The following KCNH1 variants were observed in gnomAD, a reference collection of about 807,000 sequenced individuals.
KCNH1 encodes the protein potassium voltage-gated channel subfamily H member 1.
A neutral mutation model predicts 69.2 loss-of-function variants in KCNH1; 27 were observed. The ratio of observed to expected loss-of-function variants is 0.39; its 90% CI spans 0.29 to 0.54. KCNH1 has a LOEUF of 0.54. Ranked by LOEUF, KCNH1 falls within the 20% of genes least tolerant of loss-of-function variation. The probability of loss-of-function intolerance (pLI) is 0.68; values close to 1 mark genes in which losing one functional copy is unlikely to be tolerated. For missense variants in KCNH1, 798 were observed against 1,261.6 expected (o/e 0.63, Z 5.57); for synonymous variants, 456 against 487.7 (o/e 0.93, Z 0.86).
At chr1:210,794,498 A>C (rs1684268524) in intron 9 of KCNH1, among the ~76,000 whole-genome samples, 1 of 152,242 alleles carries the variant, frequency 6.6e-6, no homozygotes, top group Non-Finnish European at 1.5e-5. Context: ...TTAGAGACGC[A>C]GTCAACAAGG....
chr1:210,862,159 A>T, intron 7 of KCNH1: 2 of 1,351,226 alleles, frequency 1.5e-6, no homozygotes, highest in Non-Finnish European at 2.1e-6. Context: ...CGACATAGTA[A>T]TCTGGAGCAG....
At chr1:210,924,800 T>G (rs1322608479) in intron 6 of KCNH1, among the ~76,000 whole-genome samples, 1 of 151,888 alleles carries the variant, frequency 6.6e-6, no homozygotes, top group Non-Finnish European at 1.5e-5. Context: ...AACCAGCCTG[T>G]CAGGCAGCCC....
At chr1:210,686,159 C>A (rs889160306) in intron 10 of KCNH1, among the ~76,000 whole-genome samples, 1 of 152,214 alleles carries the variant, frequency 6.6e-6, no homozygotes, top group African/African-American at 2.4e-5. Context: ...ATCCTGTCCA[C>A]CCTGAAGAGG....
At chr1:210,789,445 G>A (rs930155166) in intron 9 of KCNH1, among the ~76,000 whole-genome samples, 3 of 152,256 alleles carry the variant, frequency 2.0e-5, no homozygotes, top group Middle Eastern at 6.8e-3. Context: ...TTGGGTACTA[G>A]ATGCAAAAGT....
intron 6 of KCNH1, among the ~76,000 whole-genome samples, chr1:210,955,842 C>T (rs988288409): frequency 6.6e-6 from 1 of 152,198 alleles, no homozygotes; most frequent in Non-Finnish European, 1.5e-5. Flanking sequence ...ATCATGTCAT[C>T]TGTAAACAGG....
At chr1:210,790,729 T>C (rs1684196567) in intron 9 of KCNH1, among the ~76,000 whole-genome samples, 2 of 152,210 alleles carry the variant, frequency 1.3e-5, no homozygotes, top group South Asian at 4.1e-4. Flanking sequence ...TTAACACTCC[T>C]TACTTCTACT....
chr1:210,691,670 G>T (rs553213250), intron 10 of KCNH1, among the ~76,000 whole-genome samples: 2 of 152,304 alleles, frequency 1.3e-5, no homozygotes, highest in South Asian at 4.2e-4. Flanking sequence ...GCAGCACTAG[G>T]AAGTAGAATA....
intron 7 of KCNH1, among the ~76,000 whole-genome samples, chr1:210,832,929 A>G (rs1409481550): frequency 8.2e-5 from 4 of 48,984 alleles, no homozygotes; most frequent in African/African-American, 2.3e-4. Context: ...TATACATATA[A>G]ATTGAATTTG....
chr1:210,695,481 C>T (rs975871707), intron 10 of KCNH1, among the ~76,000 whole-genome samples: 2 of 152,170 alleles, frequency 1.3e-5, no homozygotes, highest in Admixed American at 1.3e-4. Context: ...ATTTTAGCAC[C>T]TGAGACTATC....
At chr1:211,042,136 A>T (rs1690006691) in intron 5 of KCNH1, among the ~76,000 whole-genome samples, 1 of 152,164 alleles carries the variant, frequency 6.6e-6, no homozygotes, top group Non-Finnish European at 1.5e-5. Context: ...CATGTGGGTG[A>T]ATTCTTCTCA....
At chr1:211,030,144 G>T (rs1409866576) in intron 5 of KCNH1, among the ~76,000 whole-genome samples, 3 of 152,150 alleles carry the variant, frequency 2.0e-5, no homozygotes, top group African/African-American at 7.2e-5. Flanking sequence ...TTTTGTAGAT[G>T]TGCACAAGAT....
At chr1:210,968,585 T>C (rs1470428343) in intron 6 of KCNH1, among the ~76,000 whole-genome samples, 4 of 151,184 alleles carry the variant, frequency 2.6e-5, no homozygotes, top group African/African-American at 9.8e-5. Flanking sequence ...TGGTATCTCA[T>C]TGTGGTTTTG....
At chr1:210,724,454 C>A (rs1055247268) in intron 10 of KCNH1, among the ~76,000 whole-genome samples, 2 of 151,998 alleles carry the variant, frequency 1.3e-5, no homozygotes, top group Non-Finnish European at 2.9e-5. Context: ...TATTATCAGT[C>A]AAAAAGGAAC....
chr1:211,125,570 A>C (rs1222963109), intron 1 of KCNH1, among the ~76,000 whole-genome samples: 1 of 152,244 alleles, frequency 6.6e-6, no homozygotes. Flanking sequence ...TCTTAATACA[A>C]ATCAAAGTTA....
intron 6 of KCNH1, among the ~76,000 whole-genome samples, chr1:210,938,771 C>T (rs1359575108): frequency 5.3e-5 from 8 of 152,194 alleles, no homozygotes; most frequent in Non-Finnish European, 1.2e-4. Context: ...GTCACAACAT[C>T]TTTATTATTA....
Position 210,939,266 on chromosome 1 carries a change from C to T in KCNH1, c.1033-19197G>A, listed in dbSNP as rs374359289. Among the ~76,000 whole-genome samples the T allele has an allele frequency of 1.8e-4, 27 of 152,138 alleles. No individual in the cohort carries two copies. In the East Asian group the frequency reaches 4.6e-3, roughly 26 times the overall value. ...GCGGGGGGAGACAGAGAATAAACAGCATAAATAAGAAAAGTAATGCTTTGT... is the reference window on the plus strand; with the variant it reads ...GCGGGGGGAGACAGAGAATAAACAGTATAAATAAGAAAAGTAATGCTTTGT... On this transcript the variant is annotated intron_variant, in intron 6 of 10. Coordinates refer to ENST00000271751, the MANE Select transcript of KCNH1 (RefSeq NM_172362.3).
At chr1:210,887,909 A>G (rs963472083) in intron 7 of KCNH1, among the ~76,000 whole-genome samples, 1 of 152,284 alleles carries the variant, frequency 6.6e-6, no homozygotes, top group East Asian at 1.9e-4. Flanking sequence ...AAGATTCATA[A>G]AGCAAGTTCT....
At chr1:210,701,977 AT>A (rs1333169305) in intron 10 of KCNH1, among the ~76,000 whole-genome samples, 1 of 152,164 alleles carries the variant, frequency 6.6e-6, no homozygotes, top group Non-Finnish European at 1.5e-5. Flanking sequence ...CTTAAAAAAT[AT>A]TTTTTATCTT....
chr1:210,770,846 A>C (rs974491602), intron 10 of KCNH1, among the ~76,000 whole-genome samples: 3 of 152,208 alleles, frequency 2.0e-5, no homozygotes, highest in Non-Finnish European at 4.4e-5. Context: ...TGAGAGCCAC[A>C]CTTCACTGAG....
Sources: allele counts gnomAD v4.1 joint callset (sites outside exome capture counted in the v4.1 genomes callset), GRCh38; gene constraint gnomAD v4.1.1; transcripts MANE v1.5; gene names NCBI Gene and HGNC (gene_info 2026-07-23, HGNC 2026-07-21).